ADAMTS6: variants seen among roughly 807,000 people sequenced by gnomAD.
ADAMTS6 encodes ADAM metallopeptidase with thrombospondin type 1 motif 6, also known as A disintegrin and metalloproteinase with thrombospondin motifs 6.
A neutral mutation model predicts 144.3 loss-of-function variants in ADAMTS6; 23 were observed. That is an observed-to-expected ratio of 0.16 (90% confidence interval 0.11 to 0.23). The LOEUF (loss-of-function observed/expected upper bound fraction) is 0.23. Ranked by LOEUF, ADAMTS6 falls within the 10% of genes least tolerant of loss-of-function variation. ADAMTS6 has a pLI of 1.00. For missense variants in ADAMTS6, 999 were observed against 1,379.6 expected (o/e 0.72, Z 4.37); for synonymous variants, 444 against 457.5 (o/e 0.97, Z 0.38).
chr5:65,464,342 TTAAA>T (rs529591537), intron 3 of ADAMTS6, among the ~76,000 whole-genome samples: 1 of 151,966 alleles, frequency 6.6e-6, no homozygotes, highest in African/African-American at 2.4e-5. Flanking sequence ...GTGTAACACC[TTAAA>T]TAAGATATTC....
At chr5:65,176,427 A>G (rs1579967051) in intron 22 of ADAMTS6, among the ~76,000 whole-genome samples, 1 of 152,352 alleles carries the variant, frequency 6.6e-6, no homozygotes, top group Middle Eastern at 3.4e-3. Context: ...GAGGCATAAC[A>G]ATGTAAATTT....
rs1761221282 is a variant in ADAMTS6, at chr5:65,481,771, A to G, written c.-708T>C. ...ATGCAAATAACATGTGCAGAGCATC[A>G]AAAGGTATCAGGAGAAAAGAAGACA... On this transcript the variant is annotated 5_prime_UTR_variant, in exon 1 of 25. Transcript: ENST00000381055. 1 of 152,356 alleles carries G rather than the reference A, an allele frequency of 6.6e-6. No individual in the cohort carries two copies. Among genetic ancestry groups the G allele is most frequent in the Non-Finnish European group, 1.5e-5 (1 of 68,166 alleles). The allele number at this position is 152,356 out of a possible 1,614,324, so 9.4% of individuals were successfully genotyped here. A position where few individuals can be genotyped will look rare whatever the true frequency, so the allele number is the denominator to read the frequency against.
intron 7 of ADAMTS6, among the ~76,000 whole-genome samples, chr5:65,344,469 A>T (rs77970699): frequency 0.026 from 3,842 of 146,510 alleles, 75 homozygotes; most frequent in East Asian, 0.083. Context: ...AATCTTTCTA[A>T]GTCAGGAAAG....
intron 11 of ADAMTS6, among the ~76,000 whole-genome samples, chr5:65,279,945 G>A (rs1006580443): frequency 2.0e-4 from 31 of 151,956 alleles, no homozygotes; most frequent in African/African-American, 4.6e-4. Flanking sequence ...TTTTCTTTGC[G>A]TATTCTGTGC....
chr5:65,260,671 A>C lies in ADAMTS6; in HGVS notation c.1767-8T>G. The C allele has an allele frequency of 6.2e-7, 1 of 1,612,098 alleles. No individual in the cohort carries two copies. On this transcript the variant is annotated splice_polypyrimidine_tract_variant and splice_region_variant and intron_variant, in intron 13 of 24. Coordinates refer to ENST00000381055, the MANE Select transcript of ADAMTS6 (RefSeq NM_197941.4). ...TTTCCACCTCCTGAAGGTCTGAAAA[A>C]ACATTGTGTTTAAAATGTGAATACT... is the stretch of plus-strand genomic sequence containing the variant.
chr5:65,334,054 A>G lies in ADAMTS6; in HGVS notation c.1105T>C (p.Cys369Arg). ...YDICTYKNKP[C>R]GTLGLASVAG... Reference sequence around the variant, plus strand: ...AAAAAAAACTTACCCAGTGTTCCACAGGGCTTATTTTTATAAGTGCAGATA... The same window carrying G: ...AAAAAAAACTTACCCAGTGTTCCACGGGGCTTATTTTTATAAGTGCAGATA... The change falls in exon 8 of 25, where the codon TGT (cysteine) becomes CGT (arginine). Residue 369 changes from cysteine to arginine, a missense_variant. Transcript: ENST00000381055. The G allele has an allele frequency of 7.1e-7, 1 of 1,413,426 alleles. No homozygotes were observed. Among genetic ancestry groups the G allele is most frequent in the Non-Finnish European group, 9.3e-7 (1 of 1,076,628 alleles). The allele number at this position is 1,413,426 out of a possible 1,614,324, so 87.6% of individuals were successfully genotyped here.
chr5:65,462,759 G>A (rs1759719739), intron 3 of ADAMTS6, among the ~76,000 whole-genome samples: 2 of 152,136 alleles, frequency 1.3e-5, no homozygotes, highest in African/African-American at 4.8e-5. Flanking sequence ...GCTGTATCAC[G>A]TTGCTTACAT....
intron 15 of ADAMTS6, among the ~76,000 whole-genome samples, chr5:65,238,645 C>T (rs186957804): frequency 3.3e-5 from 5 of 150,572 alleles, no homozygotes; most frequent in African/African-American, 7.3e-5. Flanking sequence ...TCACAGAATA[C>T]AAAGTTAATA....
At chr5:65,278,704 ATTTC>A (rs1762753302) in intron 11 of ADAMTS6, among the ~76,000 whole-genome samples, 1 of 152,064 alleles carries the variant, frequency 6.6e-6, no homozygotes, top group Non-Finnish European at 1.5e-5. Context: ...TCTGAATCCA[ATTTC>A]TTTCTTTTTG....
chr5:65,385,319 T>C (rs1410122057), intron 7 of ADAMTS6, among the ~76,000 whole-genome samples: 1 of 152,212 alleles, frequency 6.6e-6, no homozygotes, highest in African/African-American at 2.4e-5. Flanking sequence ...AAATGTAGAA[T>C]CACTTCATTG....
At chr5:65,281,043 A>AT (rs1266351789) in intron 11 of ADAMTS6, among the ~76,000 whole-genome samples, 2 of 152,042 alleles carry the variant, frequency 1.3e-5, no homozygotes, top group South Asian at 2.1e-4. Flanking sequence ...AAAGGAACTA[A>AT]TTTTTTTTCA....
At chr5:65,455,648 T>TA (rs1346453936) in intron 4 of ADAMTS6, among the ~76,000 whole-genome samples, 1 of 149,784 alleles carries the variant, frequency 6.7e-6, no homozygotes, top group Non-Finnish European at 1.5e-5. Context: ...AAAAAAAAAA[T>TA]ACAAAAATTA....
Position 65,151,842 on chromosome 5 carries a change from T to A in ADAMTS6, c.3348A>T (p.Gly1116=). The part of the protein sequence containing the change: ...FRQMCCKTCQ[G]H ...CTCTCTGGCTTTCTGTGGGTCAGTG[T>A]CCTTGGCAGGTCTTACAACACATCT... Residue 1116 remains glycine, a synonymous_variant, in exon 25 of 25, where the codon GGA becomes GGT. Transcript: ENST00000381055. The A allele has an allele frequency of 1.2e-6, 2 of 1,611,902 alleles. No individual in the cohort carries two copies. The highest frequency in any genetic ancestry group is 1.7e-6 in the Non-Finnish European group (2 of 1,178,138).
chr5:65,215,173 C>G, intron 19 of ADAMTS6, 151 bp downstream of exon 19: 1 of 1,038,630 alleles, frequency 9.6e-7, no homozygotes, highest in East Asian at 2.6e-5. Flanking sequence ...GGCCTTAACT[C>G]TGCACAGCTC....
chr5:65,471,706 C>T (rs1281660462), intron 2 of ADAMTS6, among the ~76,000 whole-genome samples: 1 of 151,468 alleles, frequency 6.6e-6, no homozygotes, highest in Admixed American at 6.6e-5. Context: ...TGCAGTGAGC[C>T]GAGATTGCGC....
At chr5:65,196,055 T>A (rs969237476) in intron 21 of ADAMTS6, among the ~76,000 whole-genome samples, 6 of 152,190 alleles carry the variant, frequency 3.9e-5, no homozygotes, top group Non-Finnish European at 8.8e-5. Flanking sequence ...ATGGGCTCTC[T>A]CCTTGTTAAT....
intron 9 of ADAMTS6, among the ~76,000 whole-genome samples, chr5:65,308,186 T>C (rs4323187): frequency 0.58 from 88,387 of 151,882 alleles, 26,698 homozygotes; most frequent in African/African-American, 0.76. Flanking sequence ...AAAAAGCCTA[T>C]GTCTGTAGCA....
intron 7 of ADAMTS6, among the ~76,000 whole-genome samples, chr5:65,364,291 C>T (rs1750094317): frequency 6.6e-6 from 1 of 152,178 alleles, no homozygotes; most frequent in Non-Finnish European, 1.5e-5. Context: ...CGAAAAGATT[C>T]TCTCTGGGAA....
chr5:65,275,359 GAAAGAAAGAAA>G (rs1352949463), intron 11 of ADAMTS6, among the ~76,000 whole-genome samples: 6 of 32,796 alleles, frequency 1.8e-4, no homozygotes, highest in African/African-American at 4.6e-4. Context: ...AGAAGAGAAA[GAAAGAAAGAAA>G]GAAAGAAAGA....
Sources: allele counts gnomAD v4.1 joint callset (sites outside exome capture counted in the v4.1 genomes callset), GRCh38; gene constraint gnomAD v4.1.1; transcripts MANE v1.5; gene names NCBI Gene and HGNC (gene_info 2026-07-23, HGNC 2026-07-21).